ANO1: variants seen among roughly 807,000 people sequenced by gnomAD.
ANO1 encodes the protein anoctamin-1.
In ANO1, 59 loss-of-function variants were observed where a neutral mutation model predicts 124.0. That is an observed-to-expected ratio of 0.48 (90% confidence interval 0.39 to 0.59). The LOEUF (loss-of-function observed/expected upper bound fraction) is 0.59, where lower values mean the gene tolerates loss of function less well. Ranked by LOEUF, ANO1 falls within the 20% of genes least tolerant of loss-of-function variation. The pLI, the probability that ANO1 is intolerant of heterozygous loss-of-function variation, is 0.00. For synonymous variants in ANO1, 529 were observed against 532.0 expected, an observed-to-expected ratio of 0.99 and a Z score of 0.08; for missense variants, 1,059 against 1,328.0, an observed-to-expected ratio of 0.80 and a Z score of 3.15.
chr11:70,119,467 G>A (rs1322923662), intron 8 of ANO1, among the ~76,000 whole-genome samples: 2 of 149,906 alleles, frequency 1.3e-5, no homozygotes, highest in Non-Finnish European at 3.0e-5. Flanking sequence ...ATGGCCGATG[G>A]AAGAATGAAT....
chr11:70,181,226 G>A (rs1008894161), intron 23 of ANO1, among the ~76,000 whole-genome samples: 10 of 152,224 alleles, frequency 6.6e-5, no homozygotes, highest in African/African-American at 2.4e-4. Context: ...GCACATGAGG[G>A]ACACGGGGTG....
chr11:70,016,226 C>T (rs1242697591), intron 1 of ANO1, among the ~76,000 whole-genome samples: 1 of 152,072 alleles, frequency 6.6e-6, no homozygotes, highest in African/African-American at 2.4e-5. Flanking sequence ...CAGGGTTTCA[C>T]TATGTTGGCC....
At chr11:70,023,654 G>C (rs1041785133) in intron 1 of ANO1, among the ~76,000 whole-genome samples, 1 of 152,192 alleles carries the variant, frequency 6.6e-6, no homozygotes, top group Non-Finnish European at 1.5e-5. Context: ...ACACTGCAAG[G>C]CTGCCCATTG....
At chr11:70,140,535 GA>G (rs1046653519) in intron 11 of ANO1, among the ~76,000 whole-genome samples, 25 of 145,794 alleles carry the variant, frequency 1.7e-4, no homozygotes, top group Admixed American at 4.1e-4. Context: ...CTGTCTCAAG[GA>G]AAAAAAAAAG....
intron 1 of ANO1, among the ~76,000 whole-genome samples, chr11:70,041,627 C>G (rs1555005068): frequency 6.6e-6 from 1 of 152,042 alleles, no homozygotes; most frequent in Non-Finnish European, 1.5e-5. Context: ...TTCGTGTAAG[C>G]ACCACAGGGG....
intron 1 of ANO1, among the ~76,000 whole-genome samples, chr11:69,992,580 A>C (rs932413966): frequency 1.3e-5 from 2 of 152,164 alleles, no homozygotes; most frequent in African/African-American, 4.8e-5. Context: ...AAGGCCTACC[A>C]GTTAGGTATG....
intron 1 of ANO1, among the ~76,000 whole-genome samples, chr11:70,010,929 T>G (rs1391235063): frequency 6.6e-6 from 1 of 152,246 alleles, no homozygotes; most frequent in Non-Finnish European, 1.5e-5. Flanking sequence ...CAACCATGTG[T>G]GCTCCCTGGG....
At chr11:70,059,823 C>T (rs368844499) in intron 1 of ANO1, among the ~76,000 whole-genome samples, 1 of 152,024 alleles carries the variant, frequency 6.6e-6, no homozygotes. Context: ...GACCACTTGC[C>T]CTGAGTTGGA....
At chr11:70,177,890 C>T (rs955897041) in intron 22 of ANO1, among the ~76,000 whole-genome samples, 32 of 152,184 alleles carry the variant, frequency 2.1e-4, no homozygotes, top group African/African-American at 7.5e-4. Flanking sequence ...TGAGCCAATG[C>T]GCCCGGTCTT....
chr11:70,037,444 G>A (rs967201765), intron 1 of ANO1, among the ~76,000 whole-genome samples: 7 of 152,104 alleles, frequency 4.6e-5, no homozygotes, highest in Non-Finnish European at 5.9e-5. Flanking sequence ...GACACCACAC[G>A]CAGAAAGCAA....
chr11:70,124,316 A>G, intron 8 of ANO1, 34 bp from the exon 9 acceptor site: 14 of 1,611,518 alleles, frequency 8.7e-6, no homozygotes, highest in Non-Finnish European at 1.2e-5. Context: ...GGAGTGCCAC[A>G]TTGTCACCAA....
intron 11 of ANO1, chr11:70,149,451 G>A: frequency 2.3e-6 from 1 of 426,608 alleles, no homozygotes; most frequent in Non-Finnish European, 4.4e-6. Flanking sequence ...AGGAGTTCGA[G>A]ACCAGCCTGG....
At chr11:70,106,233 A>C (rs1278968878) in intron 5 of ANO1, among the ~76,000 whole-genome samples, 1 of 152,164 alleles carries the variant, frequency 6.6e-6, no homozygotes, top group African/African-American at 2.4e-5. Flanking sequence ...GGCCTTTGCC[A>C]GAGGAGCCAA....
intron 2 of ANO1, among the ~76,000 whole-genome samples, chr11:70,098,239 CAA>C (rs1432177352): frequency 6.6e-6 from 1 of 152,334 alleles, no homozygotes; most frequent in African/African-American, 2.4e-5. Context: ...GAGGAAGCTG[CAA>C]ACAGGGAAAC....
At chr11:70,128,701 C>T (rs111912374) in intron 10 of ANO1, among the ~76,000 whole-genome samples, 13 of 152,372 alleles carry the variant, frequency 8.5e-5, no homozygotes, top group East Asian at 1.9e-4. Context: ...AGCATGGAGC[C>T]GCCTGCTGCC....
intron 22 of ANO1, among the ~76,000 whole-genome samples, chr11:70,174,780 C>T (rs79877417): frequency 0.064 from 9,734 of 152,172 alleles, 412 homozygotes; most frequent in Non-Finnish European, 0.089. Context: ...CCCTGTATAC[C>T]GAAGACCCCA....
intron 1 of ANO1, among the ~76,000 whole-genome samples, chr11:70,000,897 A>G (rs1554999160): frequency 1.3e-5 from 2 of 151,082 alleles, no homozygotes; most frequent in Non-Finnish European, 3.0e-5. Flanking sequence ...TTGAACAAAA[A>G]AGGCCAGCAC....
intron 2 of ANO1, among the ~76,000 whole-genome samples, chr11:70,096,583 G>A (rs146749295): frequency 6.6e-6 from 1 of 152,262 alleles, no homozygotes; most frequent in African/African-American, 2.4e-5. Context: ...AGTTTCAGCC[G>A]GGAGCGGTGG....
chr11:70,163,389 G>T lies in ANO1; in HGVS notation c.1950+49G>T, dbSNP rs374970212. 4 of 1,600,792 alleles carry T rather than the reference G, an allele frequency of 2.5e-6. No homozygotes were observed. In the African/African-American group the frequency reaches 4.0e-5, roughly 16 times the overall value. ...TGGCAGCCCCTTCTGTCTTGCTTAC[G>T]ATTTGTCTACACCATGCACTTGGGA... is the stretch of plus-strand genomic sequence containing the variant. On this transcript the variant is annotated intron_variant, in intron 19 of 25. Transcript: ENST00000355303.
Sources: allele counts gnomAD v4.1 joint callset (sites outside exome capture counted in the v4.1 genomes callset), GRCh38; gene constraint gnomAD v4.1.1; transcripts MANE v1.5; gene names NCBI Gene and HGNC (gene_info 2026-07-23, HGNC 2026-07-21).